Variants in THEM5 observed in about 807,000 individuals in gnomAD.
THEM5 encodes thioesterase superfamily member 5.
THEM5 carries 28 observed loss-of-function variants against 24.2 expected under a neutral mutation model. The observed-to-expected ratio is 1.16, with a 90% CI of 0.86 to 1.59. THEM5 has a LOEUF of 1.59. THEM5 is among the 40% of genes most tolerant of loss of function. The probability of loss-of-function intolerance (pLI) is 0.00; values close to 1 mark genes in which losing one functional copy is unlikely to be tolerated. For missense variants in THEM5, 260 were observed against 296.8 expected (o/e 0.88, Z 0.91); for synonymous variants, 87 against 114.5 (o/e 0.76, Z 1.53).
intron 3 of THEM5, 152 bp downstream of exon 3, chr1:151,850,901 G>T: frequency 1.0e-6 from 1 of 958,302 alleles, no homozygotes; most frequent in Non-Finnish European, 1.5e-6. Context: ...GTCCTTCCAG[G>T]CCTGGTATTG....
chr1:151,847,714 G>A, intron 5 of THEM5, 24 bp downstream of exon 5: 1 of 1,612,210 alleles, frequency 6.2e-7, no homozygotes, highest in Non-Finnish European at 8.5e-7. Context: ...ACGGGGCCTG[G>A]GGCTGGGCTG....
intron 5 of THEM5, 148 bp from the exon 6 acceptor site, chr1:151,847,562 A>T: frequency 7.2e-7 from 1 of 1,386,514 alleles, no homozygotes; most frequent in Non-Finnish European, 1.0e-6. Flanking sequence ...AGAAAAAAAA[A>T]TCCTAGTTCT....
At position 151,851,042 on chromosome 1, in the gene THEM5, A is replaced by G; in HGVS notation, c.464+11T>C. On this transcript the variant is annotated intron_variant, in intron 3 of 5. Coordinates refer to ENST00000368817, the MANE Select transcript of THEM5 (RefSeq NM_182578.4). Reference sequence around the variant, plus strand: ...CCCAGGAGGCAGCCAAGGTCCTACCAGTGACCTTACCCTGGGGGCCCCTCC... The same window carrying G: ...CCCAGGAGGCAGCCAAGGTCCTACCGGTGACCTTACCCTGGGGGCCCCTCC... The G allele has an allele frequency of 6.2e-7, 1 of 1,614,036 alleles. No individual in the cohort carries two copies. Among genetic ancestry groups the G allele is most frequent in the Non-Finnish European group, 8.5e-7 (1 of 1,179,966 alleles).
chr1:151,847,905 G>A (rs367794414), intron 4 of THEM5, 43 bp from the exon 5 acceptor site: 2 of 1,611,466 alleles, frequency 1.2e-6, no homozygotes, highest in Non-Finnish European at 1.7e-6. Flanking sequence ...TGTGAACCCG[G>A]TTCCCCATCC....
At position 151,847,870 on chromosome 1, in the gene THEM5, ACGAGGCAGCTTAG is replaced by A; in HGVS notation, c.576-21_576-9del. On this transcript the variant is annotated splice_polypyrimidine_tract_variant and intron_variant, in intron 4 of 5. Coordinates refer to ENST00000368817, the MANE Select transcript of THEM5 (RefSeq NM_182578.4). ...GAGTCCACGGGGATCAAGCTGGGAG[ACGAGGCAGCTTAG>A]CCCATCTCTCATGTGAACCCGGTTC... is the stretch of plus-strand genomic sequence containing the variant. The A allele has an allele frequency of 6.2e-7, 1 of 1,613,884 alleles. No individual in the cohort carries two copies. Among genetic ancestry groups the A allele is most frequent in the Non-Finnish European group, 8.5e-7 (1 of 1,180,012 alleles).
Position 151,851,661 on chromosome 1 carries a change from C to T in THEM5, c.326-470G>A, listed in dbSNP as rs1187522155. Among the ~76,000 whole-genome samples, 5 of 152,112 alleles carry T rather than the reference C, an allele frequency of 3.3e-5. No homozygotes were observed. In the East Asian group the frequency reaches 7.7e-4, roughly 24 times the overall value. ...TGTTGGTATTCCTGCTTTGTTTGTG[C>T]CATAAACCCAAGGGTAGTCTGTCCC... is the stretch of plus-strand genomic sequence containing the variant. On this transcript the variant is annotated intron_variant, in intron 2 of 5. Transcript: ENST00000368817.
chr1:151,847,625 A>G (rs955412652), intron 5 of THEM5, 113 bp downstream of exon 5: 15 of 1,484,544 alleles, frequency 1.0e-5, no homozygotes, highest in Non-Finnish European at 1.4e-5. Flanking sequence ...CCACCCCTAA[A>G]GAAGCTGGAC....
At chr1:151,851,274 G>C in intron 2 of THEM5, 83 bp from the exon 3 acceptor site, 2 of 1,572,406 alleles carry the variant, frequency 1.3e-6, no homozygotes, top group South Asian at 2.3e-5. Context: ...TCTTGCCTCT[G>C]GTACAAGATT....
intron 3 of THEM5, 145 bp downstream of exon 3, chr1:151,850,908 A>C: frequency 3.0e-6 from 3 of 1,004,802 alleles, no homozygotes; most frequent in South Asian, 1.7e-5. Context: ...CAGGCCTGGT[A>C]TTGTGAGGCT....
intron 2 of THEM5, 94 bp from the exon 3 acceptor site, chr1:151,851,285 A>T: frequency 6.5e-7 from 1 of 1,535,518 alleles, no homozygotes; most frequent in South Asian, 1.2e-5. Context: ...GTACAAGATT[A>T]AGGAGAGAAA....
chr1:151,847,470 G>A (rs1362413741), intron 5 of THEM5, 56 bp from the exon 6 acceptor site: 44 of 1,606,656 alleles, frequency 2.7e-5, no homozygotes, highest in Non-Finnish European at 3.2e-5. Context: ...GCTGGAGCTT[G>A]ATGGACACTC....
intron 4 of THEM5, 136 bp from the exon 5 acceptor site, chr1:151,847,998 T>C: frequency 6.6e-7 from 1 of 1,504,164 alleles, no homozygotes; most frequent in Non-Finnish European, 8.9e-7. Flanking sequence ...AGGGCCTTTT[T>C]GTCAGCTCCC....
Position 151,847,371 on chromosome 1 carries a change from T to TTA in THEM5, c.742_743dup (p.Ter248TyrfsTer75). On this transcript the variant is annotated frameshift_variant and stop_lost, in exon 6 of 6. Coordinates refer to ENST00000368817, the MANE Select transcript of THEM5 (RefSeq NM_182578.4). LOFTEE classifies it high-confidence loss of function. ...GGCTCTCCTGCAGGCACAGTGACTG[T>TTA]TACTGGGGAGACTCTTCTTCCAACT... 1 of 1,613,404 alleles carries TTA rather than the reference T, an allele frequency of 6.2e-7. No homozygotes were observed. The highest frequency in any genetic ancestry group is 8.5e-7 in the Non-Finnish European group (1 of 1,179,800).
rs529206590 is a variant in THEM5 at position 151,852,035 on chromosome 1, C to T, written c.325+223G>A. Among the ~76,000 whole-genome samples the T allele has an allele frequency of 7.9e-5, 12 of 152,134 alleles. No homozygotes were observed. In the East Asian group the frequency reaches 1.4e-3, roughly 17 times the overall value. On this transcript the variant is annotated intron_variant, in intron 2 of 5. Transcript: ENST00000368817. ...CAGTGGGGACATGCTTGGCTGGGAG[C>T]GAAGGTGGGCCCACCAGGGTGTGCT...
intron 1 of THEM5, 83 bp from the exon 2 acceptor site, chr1:151,852,542 C>G: frequency 7.7e-7 from 1 of 1,295,762 alleles, no homozygotes; most frequent in Non-Finnish European, 1.1e-6. Flanking sequence ...ACAGCTGTTC[C>G]TGGGTGCTGG....
rs1652963639 is a variant in THEM5, at chr1:151,847,305, GC to G, written c.*65del. On this transcript the variant is annotated 3_prime_UTR_variant, in exon 6 of 6. Coordinates refer to ENST00000368817, the MANE Select transcript of THEM5 (RefSeq NM_182578.4). Reference sequence around the variant, plus strand: ...AGGGGAGGCAGGAGGCAGGAGGCAGGCAGGGGAGGCAGGAGGCAGGAGGCAG... The same window carrying G: ...AGGGGAGGCAGGAGGCAGGAGGCAGGAGGGGAGGCAGGAGGCAGGAGGCAG... 1 of 1,110,876 alleles carries G rather than the reference GC, an allele frequency of 9.0e-7. No individual in the cohort carries two copies. Among genetic ancestry groups the G allele is most frequent in the African/African-American group, 2.3e-5 (1 of 42,558 alleles). 68.8% of individuals were successfully genotyped at this position (1,110,876 alleles called of 1,614,324 possible).
At position 151,853,459 on chromosome 1, in the gene THEM5, G is replaced by T; in HGVS notation, c.107C>A (p.Ser36Tyr). ...GGAACTCACCATGGAGTCTGTGGAG[G>T]ATCCAAATGCTGAGGCAGGGTTGAG... ...PRLNPASAFGSSTDSMFSRFL... is the reference protein window; with the variant it reads ...PRLNPASAFGYSTDSMFSRFL... Residue 36 changes from serine (S) to tyrosine (Y), a missense_variant, in exon 1 of 6, where the codon TCC (serine) becomes TAC (tyrosine). Physicochemically the swap from Ser to Tyr is moderately radical, Grantham distance 144. Coordinates refer to ENST00000368817, the MANE Select transcript of THEM5 (RefSeq NM_182578.4). 6.2e-7 allele frequency: 1 copy of T among 1,613,896 alleles called. No homozygotes were observed. Among genetic ancestry groups the T allele is most frequent in the Non-Finnish European group, 8.5e-7 (1 of 1,179,878 alleles).
Position 151,852,441 on chromosome 1 carries a change from C to T in THEM5, c.142G>A (p.Glu48Lys), listed in dbSNP as rs1183673008. The change falls in exon 2 of 6, where the codon GAG becomes AAG. Residue 48 changes from glutamate to lysine, a missense_variant. Glu to Lys is a moderately conservative substitution (Grantham distance 56, BLOSUM62 1). Coordinates refer to ENST00000368817, the MANE Select transcript of THEM5 (RefSeq NM_182578.4). Reference sequence around the variant, plus strand: ...GCATAATCCTTCAAGTCTGTCTTCTCTGGCAAGAATCTTGAGAACTGGGCA... The same window carrying T: ...GCATAATCCTTCAAGTCTGTCTTCTTTGGCAAGAATCTTGAGAACTGGGCA... ...TDSMFSRFLP[E>K]KTDLKDYALP... The T allele has an allele frequency of 6.2e-7, 1 of 1,614,168 alleles. No homozygotes were observed. The highest frequency in any genetic ancestry group is 1.1e-5 in the South Asian group (1 of 91,082).
chr1:151,852,143 T>C (rs1653146210), intron 2 of THEM5, 115 bp downstream of exon 2: 1 of 1,033,094 alleles, frequency 9.7e-7, no homozygotes, highest in East Asian at 2.4e-5. Flanking sequence ...AGGGGTGGAG[T>C]TGGACAGCAG....
Sources: gnomAD v4.1 joint callset for allele counts (sites outside exome capture counted in the v4.1 genomes callset) on GRCh38, gnomAD v4.1.1 for gene constraint, MANE v1.5 for transcripts, NCBI Gene and HGNC (gene_info 2026-07-23, HGNC 2026-07-21) for gene names.